The following SBK1 variants were observed in gnomAD, a reference collection of about 807,000 sequenced individuals.
SBK1 encodes the protein SH3 domain binding kinase 1, also known as serine/threonine-protein kinase SBK1.
SBK1 carries 11 observed loss-of-function variants against 24.4 expected under a neutral mutation model. That is an observed-to-expected ratio of 0.45 (90% confidence interval 0.28 to 0.75). The LOEUF is 0.75. Among genes scored for constraint, SBK1 ranks in the 30% least tolerant of loss-of-function variants. The pLI is 0.12. For missense variants in SBK1, 467 were observed against 620.5 expected, an observed-to-expected ratio of 0.75 and a Z score of 2.63; for synonymous variants, 308 against 284.4, an observed-to-expected ratio of 1.08 and a Z score of -0.83.
intron 1 of SBK1, among the ~76,000 whole-genome samples, chr16:28,283,090 A>G (rs991889587): frequency 6.6e-6 from 1 of 151,678 alleles, no homozygotes; most frequent in Admixed American, 6.6e-5. Flanking sequence ...GCACCACCAC[A>G]CCCTGCTAAT....
intron 1 of SBK1, among the ~76,000 whole-genome samples, chr16:28,280,115 CTATATATATA>C (rs1193408430): frequency 1.4e-3 from 40 of 29,462 alleles, no homozygotes; most frequent in Admixed American, 6.8e-3. Flanking sequence ...TTGAAAAAAA[CTATATATATA>C]TATATATATA....
intron 1 of SBK1, among the ~76,000 whole-genome samples, chr16:28,284,356 A>C (rs1242754478): frequency 6.6e-6 from 1 of 152,228 alleles, no homozygotes; most frequent in Non-Finnish European, 1.5e-5. Context: ...GGATGGAGCC[A>C]GCTCGGAGAA....
At chr16:28,311,310 C>T (rs370808053) in intron 1 of SBK1, among the ~76,000 whole-genome samples, 13 of 152,176 alleles carry the variant, frequency 8.5e-5, no homozygotes, top group African/African-American at 3.1e-4. Flanking sequence ...CAGGAGTCAG[C>T]ACGTGTGAGG....
chr16:28,320,686 C>A lies in SBK1; in HGVS notation c.1040C>A (p.Ala347Glu). 4.6e-6 allele frequency: 5 copies of A among 1,089,812 alleles called. No homozygotes were observed. Among genetic ancestry groups the A allele is most frequent in the Non-Finnish European group, 5.6e-6 (5 of 896,352 alleles). 67.5% of individuals were successfully genotyped at this position (1,089,812 alleles called of 1,614,324 possible). A position where few individuals can be genotyped will look rare whatever the true frequency, so the allele number is the denominator to read the frequency against. ...PPAAGPLRLE[A>E]PGPLKRTVLT... The stretch of plus-strand genomic sequence containing the variant: ...GCCGCCGGGCCACTGCGCCTCGAGG[C>A]GCCTGGGCCGCTCAAGCGGACGGTG... The change falls in exon 4 of 4, where the codon GCG becomes GAG. Residue 347 changes from alanine to glutamate, a missense_variant. Physicochemically the swap from Ala to Glu is moderately radical, Grantham distance 107. Around this residue, in one of 4 missense-constraint regions of SBK1, gnomAD observed 166 missense variants for 146.8 expected, o/e 1.13. Coordinates refer to ENST00000341901, the MANE Select transcript of SBK1 (RefSeq NM_001024401.3). This position sits in a 1 kb window ranked among gnomAD's most constrained non-coding sequence, Gnocchi z 8.5.
At chr16:28,280,712 T>G (rs1040973362) in intron 1 of SBK1, among the ~76,000 whole-genome samples, 2 of 152,140 alleles carry the variant, frequency 1.3e-5, no homozygotes, top group Non-Finnish European at 2.9e-5. Flanking sequence ...TCACACAGGC[T>G]GGAGTGCAGT....
At chr16:28,261,637 A>T (rs1379858818) in intron 1 of SBK1, among the ~76,000 whole-genome samples, 1 of 152,152 alleles carries the variant, frequency 6.6e-6, no homozygotes, top group East Asian at 1.9e-4. Context: ...CTCAAAAAAG[A>T]GAAAGAGAGA....
chr16:28,285,294 G>A (rs1384600427), intron 1 of SBK1: 3 of 152,200 alleles, frequency 2.0e-5, no homozygotes, highest in African/African-American at 4.8e-5. Flanking sequence ...GGTAGCTCAC[G>A]CCTGTGATCC....
At chr16:28,312,925 G>A (rs909797814) in intron 1 of SBK1, among the ~76,000 whole-genome samples, 5 of 152,268 alleles carry the variant, frequency 3.3e-5, no homozygotes, top group Non-Finnish European at 7.4e-5. Flanking sequence ...CCTGAGGTCG[G>A]GAGTTCGAGA....
At chr16:28,266,419 G>A (rs1160010526) in intron 1 of SBK1, among the ~76,000 whole-genome samples, 1 of 152,068 alleles carries the variant, frequency 6.6e-6, no homozygotes, top group African/African-American at 2.4e-5. Flanking sequence ...GATTTTTAAA[G>A]GTGTGTGCAT....
At position 28,313,961 on chromosome 16, in the gene SBK1, G is replaced by A. The variant is rs912314420; in HGVS notation, c.-7-3424G>A. Among the ~76,000 whole-genome samples the A allele has an allele frequency of 2.2e-4, 9 of 40,878 alleles. 1 individual carries two copies. Among genetic ancestry groups the A allele is most frequent in the Admixed American group, 6.9e-4 (3 of 4,320 alleles). 26.8% of individuals were successfully genotyped at this position (40,878 alleles called of 152,430 possible). A position where few individuals can be genotyped will look rare whatever the true frequency, so the allele number is the denominator to read the frequency against. ...TCCCAGCCTCCAGCAATGCCCACCC[G>A]CCCGCCCACCCTTGCTCAGCCAGAG... is the stretch of plus-strand genomic sequence containing the variant. On this transcript the variant is annotated intron_variant, in intron 1 of 3. Coordinates refer to ENST00000341901, the MANE Select transcript of SBK1 (RefSeq NM_001024401.3).
intron 1 of SBK1, among the ~76,000 whole-genome samples, chr16:28,287,516 T>G (rs956961843): frequency 2.0e-5 from 3 of 151,950 alleles, no homozygotes; most frequent in Admixed American, 2.0e-4. Flanking sequence ...TGTGTTCCGC[T>G]ATCCAAATTA....
rs199872748 is a variant in SBK1, at chr16:28,259,943, TC to T, written c.257+443del. Among the ~76,000 whole-genome samples the T allele has an allele frequency of 5.8e-3, 881 of 152,240 alleles. 11 individuals are homozygous for T. The highest frequency in any genetic ancestry group is 0.019 in the African/African-American group (801 of 41,542). On this transcript the variant is annotated intron_variant, in intron 1 of 3. Transcript: ENST00000671413. The surrounding 1 kb of genome is among the most constrained non-coding windows in gnomAD (Gnocchi z 6.0). The stretch of plus-strand genomic sequence containing the variant: ...TCCATCCAGGCCCAGCTGCAACGCT[TC>T]CTCCTTCAGGAAGCCCTCCTGGATG...
intron 1 of SBK1, among the ~76,000 whole-genome samples, chr16:28,283,930 C>G (rs2044548691): frequency 6.6e-6 from 1 of 152,176 alleles, no homozygotes; most frequent in African/African-American, 2.4e-5. Flanking sequence ...GTGCTGCCTC[C>G]CCTCCTCCCC....
Position 28,319,052 on chromosome 16 carries a change from T to A in SBK1, c.284T>A (p.Leu95Gln), listed in dbSNP as rs746928549. The A allele has an allele frequency of 6.2e-7, 1 of 1,614,178 alleles. No homozygotes were observed. The highest frequency in any genetic ancestry group is 2.2e-5 in the East Asian group (1 of 44,884). Reference protein sequence around the residue: ...NKSKTKLKNFLREVSITNSLS... With the variant: ...NKSKTKLKNFQREVSITNSLS... ...AGCAAAACCAAGCTGAAGAACTTCC[T>A]ACGGGAGGTGAGCATCACCAACAGC... The change falls in exon 3 of 4, where the codon CTA becomes CAA. Residue 95 changes from leucine to glutamine, a missense_variant. This residue lies in a region of SBK1 where 123 missense variants were observed against 158.2 expected (regional missense o/e 0.78). Transcript: ENST00000341901. This position sits in a 1 kb window ranked among gnomAD's most constrained non-coding sequence, Gnocchi z 4.0.
chr16:28,297,577 C>G (rs1014313189), intron 1 of SBK1, among the ~76,000 whole-genome samples: 1 of 152,196 alleles, frequency 6.6e-6, no homozygotes, highest in African/African-American at 2.4e-5. Context: ...GCTGTGTGAC[C>G]TTCAGCAAGG....
intron 1 of SBK1, among the ~76,000 whole-genome samples, chr16:28,296,194 A>G (rs1487783282): frequency 6.6e-6 from 1 of 151,058 alleles, no homozygotes; most frequent in African/African-American, 2.4e-5. Flanking sequence ...TCCCGGGTTC[A>G]AGCAATTCTC....
At chr16:28,305,118 C>A (rs530394321) in intron 1 of SBK1, among the ~76,000 whole-genome samples, 2 of 152,240 alleles carry the variant, frequency 1.3e-5, no homozygotes, top group African/African-American at 4.8e-5. Context: ...GGGACCAGAG[C>A]TGAATTCCCT....
intron 1 of SBK1, among the ~76,000 whole-genome samples, chr16:28,283,344 C>T (rs963267798): frequency 4.6e-5 from 7 of 152,084 alleles, no homozygotes; most frequent in Admixed American, 6.6e-5. Context: ...CTGAAAAGTT[C>T]GGAGTTTCAG....
chr16:28,271,538 C>T (rs536009451), intron 1 of SBK1, among the ~76,000 whole-genome samples: 1 of 152,206 alleles, frequency 6.6e-6, no homozygotes, highest in East Asian at 1.9e-4. Flanking sequence ...GGCTGGGTGA[C>T]AGAATGCGAC....
Sources: allele counts gnomAD v4.1 joint callset (sites outside exome capture counted in the v4.1 genomes callset), GRCh38; gene constraint gnomAD v4.1.1; regional missense constraint gnomAD v4.1.1; non-coding constraint Gnocchi (gnomAD v3.1); transcripts MANE v1.5; gene names NCBI Gene and HGNC (gene_info 2026-07-23, HGNC 2026-07-21).